Variants in DNAH17 observed in about 807,000 individuals in gnomAD.
DNAH17 encodes axonemal beta dynein heavy chain 17.
In DNAH17, 376 loss-of-function variants were observed where a neutral mutation model predicts 485.6. The observed-to-expected ratio is 0.77, with a 90% CI of 0.71 to 0.84. DNAH17 has a LOEUF of 0.84. DNAH17 is among the 40% of genes least tolerant of loss of function. The pLI, the probability that DNAH17 is intolerant of heterozygous loss-of-function variation, is 0.00. For missense variants in DNAH17, 6,370 were observed against 5,839.3 expected (o/e 1.09, Z -2.96); for synonymous variants, 3,031 against 2,405.9 (o/e 1.26, Z -7.60).
At chr17:78,524,901 T>C (rs761176391) in intron 25 of DNAH17, 108 bp downstream of exon 25, 8 of 1,461,120 alleles carry the variant, frequency 5.5e-6, no homozygotes, top group Non-Finnish European at 7.3e-6. Context: ...AGAAACCTTC[T>C]TGTCACATTC....
chr17:78,436,467 C>T (rs1187500975), intron 74 of DNAH17, among the ~76,000 whole-genome samples: 1 of 152,020 alleles, frequency 6.6e-6, no homozygotes. Context: ...AAGTTCTAGG[C>T]TCCACTTGGG....
chr17:78,568,113 C>T (rs543916167), intron 9 of DNAH17, among the ~76,000 whole-genome samples: 37 of 152,202 alleles, frequency 2.4e-4, no homozygotes, highest in East Asian at 3.9e-4. Context: ...GCTGGCATGG[C>T]CTGTTGTCAG....
At chr17:78,431,402 G>T (rs943287395) in intron 75 of DNAH17, among the ~76,000 whole-genome samples, 4 of 151,940 alleles carry the variant, frequency 2.6e-5, no homozygotes, top group South Asian at 2.1e-4. Context: ...CTTCCCGCAG[G>T]GGGTGGGGGT....
chr17:78,425,756 C>CTTTTTTTTTTTTTTTTTTTTTTTTTTTT lies in DNAH17; in HGVS notation c.12916-186_12916-185insAAAAAAAAAAAAAAAAAAAAAAAAAAAA, dbSNP rs71160294. Among the ~76,000 whole-genome samples, 2 of 120,740 alleles carry CTTTTTTTTTTTTTTTTTTTTTTTTTTTT rather than the reference C, an allele frequency of 1.7e-5. 1 individual carries two copies. The highest frequency in any genetic ancestry group is 7.6e-5 in the African/African-American group (2 of 26,232). The allele number at this position is 120,740 out of a possible 152,430, so 79.2% of individuals were successfully genotyped here. On this transcript the variant is annotated intron_variant, in intron 79 of 80. Transcript: ENST00000389840. ...TACCATGACGCAACTTTGGTGTCTG[C>CTTTTTTTTTTTTTTTTTTTTTTTTTTTT]TTTTTTTTTTTTTTTTTTTTTTTTT... is the stretch of plus-strand genomic sequence containing the variant.
intron 19 of DNAH17, among the ~76,000 whole-genome samples, chr17:78,534,142 ACT>A (rs766553592): frequency 2.6e-5 from 4 of 152,018 alleles, no homozygotes; most frequent in Non-Finnish European, 4.4e-5. Flanking sequence ...CCTTTACCCA[ACT>A]CTCACACCAA....
At chr17:78,512,583 G>T (rs1413791807) in intron 26 of DNAH17, among the ~76,000 whole-genome samples, 2 of 151,900 alleles carry the variant, frequency 1.3e-5, no homozygotes, top group African/African-American at 4.8e-5. Flanking sequence ...CCCCCTATTT[G>T]CCTACAAGCA....
Position 78,462,936 on chromosome 17 carries a change from G to T in DNAH17, c.9082C>A (p.Gln3028Lys). Residue 3028 changes from glutamine to lysine, a missense_variant, in exon 57 of 81, where the codon CAG (glutamine) becomes AAG (lysine). By Grantham distance (53) the Gln-to-Lys change is moderately conservative (BLOSUM62 1). Coordinates refer to ENST00000389840, the MANE Select transcript of DNAH17 (RefSeq NM_173628.4). ...KTFLEQIKLYQNLLAKKRTEL... is the reference protein window; with the variant it reads ...KTFLEQIKLYKNLLAKKRTEL... ...GTTCTCTTCTTGGCCAGCAGGTTCT[G>T]GTACAGTTTGATCTGCTCCAGAAAG... 6.2e-7 allele frequency: 1 copy of T among 1,613,978 alleles called. No individual in the cohort carries two copies. The highest frequency in any genetic ancestry group is 1.3e-5 in the African/African-American group (1 of 75,030).
chr17:78,481,269 A>G (rs1441523155), intron 48 of DNAH17, among the ~76,000 whole-genome samples: 1 of 149,092 alleles, frequency 6.7e-6, no homozygotes, highest in Non-Finnish European at 1.5e-5. Context: ...TGCCTGGCTA[A>G]TTTTTTTGTA....
At chr17:78,552,556 A>G in intron 15 of DNAH17, 141 bp downstream of exon 15, 1 of 458,408 alleles carries the variant, frequency 2.2e-6, no homozygotes. Context: ...GGAAGTAACT[A>G]TCCTTTAGCC....
chr17:78,460,529 A>T (rs985855792), intron 58 of DNAH17, among the ~76,000 whole-genome samples: 5 of 152,098 alleles, frequency 3.3e-5, no homozygotes, highest in Non-Finnish European at 5.9e-5. Context: ...TCCGGCCACC[A>T]CTCATTTGCT....
At chr17:78,542,546 G>A (rs1234108189) in intron 17 of DNAH17, among the ~76,000 whole-genome samples, 1 of 152,210 alleles carries the variant, frequency 6.6e-6, no homozygotes, top group Non-Finnish European at 1.5e-5. Flanking sequence ...CAAGCTGGGT[G>A]AAATTACTAC....
chr17:78,504,897 T>TC (rs2090435928), intron 31 of DNAH17, among the ~76,000 whole-genome samples: 1 of 50,160 alleles, frequency 2.0e-5, no homozygotes, highest in Admixed American at 2.1e-4. Flanking sequence ...AACAGGGCTT[T>TC]TTTTTTTTTT....
chr17:78,541,883 A>G (rs2091600433), intron 17 of DNAH17, among the ~76,000 whole-genome samples: 1 of 152,136 alleles, frequency 6.6e-6, no homozygotes, highest in Non-Finnish European at 1.5e-5. Flanking sequence ...ATTTTAATTC[A>G]GAGGGAGCTA....
In DNAH17 at chr17:78,543,856, C is replaced by T. The variant is rs755555731; in HGVS notation, c.2532+1G>A. On this transcript the variant is annotated splice_donor_variant, in intron 17 of 80. Coordinates refer to ENST00000389840, the MANE Select transcript of DNAH17 (RefSeq NM_173628.4). LOFTEE classifies it high-confidence loss of function. ...AAAAAACCTCCTGGGTGTTTCCTTA[C>T]TGCAACCATGGCTTGGATCTTCACT... The T allele has an allele frequency of 6.2e-7, 1 of 1,613,922 alleles. No individual in the cohort carries two copies. The highest frequency in any genetic ancestry group is 1.7e-5 in the Admixed American group (1 of 59,996).
rs2091268473 is a variant in DNAH17 at position 78,532,530 on chromosome 17, A to T, written c.3066T>A (p.Asp1022Glu). The T allele has an allele frequency of 6.2e-7, 1 of 1,611,462 alleles. No homozygotes were observed. The highest frequency in any genetic ancestry group is 8.5e-7 in the Non-Finnish European group (1 of 1,179,094). ...VTAEDLDTWT[D>E]DTIPKTPPTL... Reference sequence around the variant, plus strand: ...TGGGCGGTGTCTTGGGGATGGTGTCATCTGTCCAGGTGTCCAAGTCCTCCG... The same window carrying T: ...TGGGCGGTGTCTTGGGGATGGTGTCTTCTGTCCAGGTGTCCAAGTCCTCCG... Residue 1022 changes from aspartate to glutamate, a missense_variant, in exon 20 of 81, where the codon GAT (aspartate) becomes GAA (glutamate). By Grantham distance (45) the Asp-to-Glu change is conservative. Coordinates refer to ENST00000389840, the MANE Select transcript of DNAH17 (RefSeq NM_173628.4).
chr17:78,425,372 G>A lies in DNAH17; in HGVS notation c.13115C>T (p.Ser4372Phe). Residue 4372 changes from serine to phenylalanine, a missense_variant, in exon 80 of 81, where the codon TCC (serine) becomes TTC (phenylalanine). Physicochemically the swap from Ser to Phe is radical, Grantham distance 155. Transcript: ENST00000389840. ...TTCCATGAAGAGTCCGTACACGTAG[G>A]AGCCCTCTCGCGGAGGAGCGGTCAT... Reference protein sequence around the residue: ...EDMTAPPREGSYVYGLFMEGA... With the variant: ...EDMTAPPREGFYVYGLFMEGA... 6.2e-7 allele frequency: 1 copy of A among 1,613,966 alleles called. No homozygotes were observed. Among genetic ancestry groups the A allele is most frequent in the Non-Finnish European group, 8.5e-7 (1 of 1,179,894 alleles).
chr17:78,478,005 T>TCACCATCATCACCATCACCAC (rs1477221489), intron 51 of DNAH17, among the ~76,000 whole-genome samples: 3 of 90,118 alleles, frequency 3.3e-5, no homozygotes, highest in African/African-American at 8.1e-5. Flanking sequence ...ACCACCATCA[T>TCACCATCATCACCATCACCAC]CACCATCATC....
rs2092362026 is a variant in DNAH17 at position 78,571,772 on chromosome 17, A to G, written c.550T>C (p.Ser184Pro). 1.3e-6 allele frequency: 2 copies of G among 1,590,678 alleles called. No homozygotes were observed. The highest frequency in any genetic ancestry group is 1.7e-6 in the Non-Finnish European group (2 of 1,167,692). The change falls in exon 4 of 81, where the codon TCA becomes CCA. Residue 184 changes from serine (S) to proline (P), a missense_variant. Transcript: ENST00000389840. ...TLESMERIPS[S>P]LDNLLLHAIE... ...GCGTGCAGGAGCAAGTTGTCCAGTG[A>G]AGAGGGGATCCTGCCCAGTGGAAGG... is the stretch of plus-strand genomic sequence containing the variant.
At chr17:78,446,393 A>G (rs1332845471) in intron 69 of DNAH17, among the ~76,000 whole-genome samples, 2 of 151,776 alleles carry the variant, frequency 1.3e-5, no homozygotes, top group Non-Finnish European at 2.9e-5. Context: ...CCTGTTGTGG[A>G]TGCTTTGTAT....
Sources: gnomAD v4.1 joint callset for allele counts (sites outside exome capture counted in the v4.1 genomes callset) on GRCh38, gnomAD v4.1.1 for gene constraint, MANE v1.5 for transcripts, NCBI Gene and HGNC (gene_info 2026-07-23, HGNC 2026-07-21) for gene names.